Variants in COL5A3 observed in about 807,000 individuals in gnomAD.
COL5A3 encodes the protein collagen alpha-3(V) chain.
In COL5A3, 172 loss-of-function variants were observed where a neutral mutation model predicts 250.0. That is an observed-to-expected ratio of 0.69 (90% CI 0.61 to 0.78). The LOEUF (loss-of-function observed/expected upper bound fraction) is 0.78. Among genes scored for constraint, COL5A3 ranks in the 30% least tolerant of loss-of-function variants. The pLI, the probability that COL5A3 is intolerant of heterozygous loss-of-function variation, is 0.00. For synonymous variants in COL5A3, 937 were observed against 900.4 expected, an observed-to-expected ratio of 1.04 and a Z score of -0.73; for missense variants, 2,340 against 2,334.4, an observed-to-expected ratio of 1.00 and a Z score of -0.05.
Position 9,972,945 on chromosome 19 carries a change from CA to C in COL5A3, c.3747del (p.Gly1250GlufsTer18), listed in dbSNP as rs751132808. 1 of 1,611,144 alleles carries C rather than the reference CA, an allele frequency of 6.2e-7. No individual in the cohort carries two copies. Among genetic ancestry groups the C allele is most frequent in the South Asian group, 1.1e-5 (1 of 90,090 alleles). ...AAGPPGKKGPPGEDGAKGSVG... is the reference protein window; with the variant it reads ...AAGPPGKKGPXGEDGAKGSVG... ...ACGCTCCCTTTGGCTCCATCCTCTC[CA>C]GGGGGACCTTTCTTGCCTGGGGGTC... On this transcript the variant is annotated frameshift_variant, in exon 51 of 67. Transcript: ENST00000264828. LOFTEE classifies it high-confidence loss of function.
intron 65 of COL5A3, among the ~76,000 whole-genome samples, chr19:9,962,533 G>A (rs942360186): frequency 6.6e-6 from 1 of 152,108 alleles, no homozygotes; most frequent in African/African-American, 2.4e-5. Context: ...TTAGGCTTCA[G>A]ATGAGCTGTG....
chr19:9,968,864 C>T lies in COL5A3; in HGVS notation c.4153-136G>A. Reference sequence around the variant, plus strand: ...ACCAGGGATGAGGTCAAGGGATGGTCAGAGTAGGCCACCAAGGTGGGATGA... The same window carrying T: ...ACCAGGGATGAGGTCAAGGGATGGTTAGAGTAGGCCACCAAGGTGGGATGA... On this transcript the variant is annotated intron_variant, in intron 57 of 66. Transcript: ENST00000264828. The surrounding 1 kb of genome is among the most constrained non-coding windows in gnomAD (Gnocchi z 4.1). 1.3e-6 allele frequency: 1 copy of T among 764,986 alleles called. No homozygotes were observed. The highest frequency in any genetic ancestry group is 1.6e-5 in the South Asian group (1 of 62,760). The allele number at this position is 764,986 out of a possible 1,614,324, so 47.4% of individuals were successfully genotyped here.
At position 9,962,891 on chromosome 19, in the gene COL5A3, G is replaced by T. The variant is rs377581980; in HGVS notation, c.4783-4C>A. ...TGGACCAGGAGGCCAATTTCACCTG[G>T]AAGAGAAAAGGGAGGGTCACTGTAG... On this transcript the variant is annotated splice_polypyrimidine_tract_variant and splice_region_variant and intron_variant, in intron 64 of 66. Coordinates refer to ENST00000264828, the MANE Select transcript of COL5A3 (RefSeq NM_015719.4). 2 of 1,606,938 alleles carry T rather than the reference G, an allele frequency of 1.2e-6. No individual in the cohort carries two copies. Among genetic ancestry groups the T allele is most frequent in the East Asian group, 2.2e-5 (1 of 44,848 alleles).
At position 9,997,981 on chromosome 19, in the gene COL5A3, T is replaced by C; in HGVS notation, c.1200+3A>G. On this transcript the variant is annotated splice_donor_region_variant and intron_variant, in intron 10 of 66. Coordinates refer to ENST00000264828, the MANE Select transcript of COL5A3 (RefSeq NM_015719.4). Reference sequence around the variant, plus strand: ...GGAAGAAGGAAACACAGCCATGACTTACTTGGGGTCCTGGGGCTCCTGGAG... The same window carrying C: ...GGAAGAAGGAAACACAGCCATGACTCACTTGGGGTCCTGGGGCTCCTGGAG... The C allele has an allele frequency of 6.2e-7, 1 of 1,613,990 alleles. No individual in the cohort carries two copies. Among genetic ancestry groups the C allele is most frequent in the Non-Finnish European group, 8.5e-7 (1 of 1,179,974 alleles).
chr19:9,972,313 T>TCATC (rs1447236373), intron 51 of COL5A3, among the ~76,000 whole-genome samples: 2 of 42,420 alleles, frequency 4.7e-5, no homozygotes, highest in African/African-American at 4.7e-4. Context: ...ATTCACTCGT[T>TCATC]CATCCATTCA....
At chr19:9,967,765 A>C in intron 61 of COL5A3, 139 bp downstream of exon 61, 1 of 791,030 alleles carries the variant, frequency 1.3e-6, no homozygotes, top group Non-Finnish European at 2.0e-6. Context: ...ATACAACCGT[A>C]GGTGTTGAAT....
At chr19:9,969,464 C>T (rs2277966) in intron 56 of COL5A3, 62 bp from the exon 57 acceptor site, 37 of 1,590,042 alleles carry the variant, frequency 2.3e-5, no homozygotes, top group South Asian at 1.4e-4. Flanking sequence ...TGGACCCCCC[C>T]CCGACCATGC....
At chr19:9,974,016 TC>T in intron 47 of COL5A3, 44 bp from the exon 48 acceptor site, 2 of 1,523,616 alleles carry the variant, frequency 1.3e-6, no homozygotes, top group Non-Finnish European at 1.8e-6. Flanking sequence ...CAGGCCCCTC[TC>T]CCCAAAAGGC....
intron 38 of COL5A3, 32 bp downstream of exon 38, chr19:9,979,332 A>C: frequency 6.2e-7 from 1 of 1,613,734 alleles, no homozygotes; most frequent in Non-Finnish European, 8.5e-7. Flanking sequence ...AACTGGTACA[A>C]AACAAGGGAG....
chr19:9,976,531 A>T (rs774362138), intron 45 of COL5A3, 27 bp downstream of exon 45: 2 of 1,542,978 alleles, frequency 1.3e-6, no homozygotes, highest in South Asian at 2.5e-5. Context: ...GGACCCAGAG[A>T]AGGACTGAAA....
intron 35 of COL5A3, 125 bp downstream of exon 35, chr19:9,980,523 A>C: frequency 7.3e-7 from 1 of 1,369,604 alleles, no homozygotes; most frequent in South Asian, 1.4e-5. Context: ...CACCACACCC[A>C]ATTAAGCTGT....
In COL5A3 at chr19:9,991,854, T is replaced by A; in HGVS notation, c.1894-13A>T. The A allele has an allele frequency of 6.2e-7, 1 of 1,605,160 alleles. No individual in the cohort carries two copies. The highest frequency in any genetic ancestry group is 8.5e-7 in the Non-Finnish European group (1 of 1,176,132). On this transcript the variant is annotated splice_polypyrimidine_tract_variant and intron_variant, in intron 22 of 66. Coordinates refer to ENST00000264828, the MANE Select transcript of COL5A3 (RefSeq NM_015719.4). Reference sequence around the variant, plus strand: ...CTCCTGGAGGACCCTGGGGAGAAAGTGGGGTTTCAGTGAAGCTAAGAGGGG... The same window carrying A: ...CTCCTGGAGGACCCTGGGGAGAAAGAGGGGTTTCAGTGAAGCTAAGAGGGG...
rs771836964 is a variant in COL5A3 at position 9,969,615 on chromosome 19, C to A, written c.4058G>T (p.Arg1353Leu). Residue 1353 changes from arginine (R) to leucine (L), a missense_variant, in exon 56 of 67, where the codon CGT (arginine) becomes CTT (leucine). Physicochemically the swap from Arg to Leu is moderately radical, Grantham distance 102 (BLOSUM62 -2). Transcript: ENST00000264828. ...CCCTCGAAGACCCTCAGGCCCCACA[C>A]GTCCAGGGGGCCCTCTAGCCCCCAT... ...GPMGARGPPG[R>L]VGPEGLRGIP... 4.4e-6 allele frequency: 7 copies of A among 1,602,804 alleles called. 1 individual carries two copies. The Admixed American group carries it at 7.1e-5, about 16-fold the overall frequency.
intron 37 of COL5A3, 23 bp from the exon 38 acceptor site, chr19:9,979,440 G>C (rs1015964391): frequency 1.2e-6 from 2 of 1,613,680 alleles, no homozygotes; most frequent in African/African-American, 2.7e-5. Context: ...ATTAAATGTG[G>C]GGGCGGTGTT....
chr19:9,962,872 A>T lies in COL5A3; in HGVS notation c.4798T>A (p.Trp1600Arg). ...KKFEIVKLAS[W>R]SKEKPGGWYS... ...CAGCCTCCAGGCTTTTCCTTGGACC[A>T]GGAGGCCAATTTCACCTGGAAGAGA... The change falls in exon 65 of 67, where the codon TGG becomes AGG. Residue 1600 changes from tryptophan (W) to arginine (R), a missense_variant. Trp to Arg is a moderately radical substitution (Grantham distance 101, BLOSUM62 -3). Around this residue, in one of 3 missense-constraint regions of COL5A3, gnomAD observed 1,179 missense variants for 1,162.6 expected, o/e 1.01. Coordinates refer to ENST00000264828, the MANE Select transcript of COL5A3 (RefSeq NM_015719.4). The T allele has an allele frequency of 6.2e-7, 1 of 1,610,524 alleles. No homozygotes were observed. The highest frequency in any genetic ancestry group is 8.5e-7 in the Non-Finnish European group (1 of 1,178,268).
intron 16 of COL5A3, among the ~76,000 whole-genome samples, chr19:9,994,330 C>T (rs1012436755): frequency 6.6e-6 from 1 of 151,072 alleles, no homozygotes; most frequent in African/African-American, 2.4e-5. Context: ...AAGTGCACAC[C>T]ACCACACCTG....
At position 9,992,024 on chromosome 19, in the gene COL5A3, G is replaced by C; in HGVS notation, c.1873C>G (p.Pro625Ala). Reference protein sequence around the residue: ...RPGVTGIDGAPGAKGNVGPPG... With the variant: ...RPGVTGIDGAAGAKGNVGPPG... ...CATACCACATTGCCTTTGGCACCAG[G>C]AGCACCATCAATTCCAGTCACACCC... is the stretch of plus-strand genomic sequence containing the variant. Residue 625 changes from proline (P) to alanine (A), a missense_variant, in exon 22 of 67, where the codon CCT becomes GCT. By Grantham distance (27) the Pro-to-Ala change is conservative (BLOSUM62 -1). Transcript: ENST00000264828. The C allele has an allele frequency of 6.2e-7, 1 of 1,613,800 alleles. No individual in the cohort carries two copies. Among genetic ancestry groups the C allele is most frequent in the Non-Finnish European group, 8.5e-7 (1 of 1,179,858 alleles).
chr19:10,004,819 C>G (rs937207942), intron 4 of COL5A3, among the ~76,000 whole-genome samples: 4 of 152,196 alleles, frequency 2.6e-5, no homozygotes, highest in African/African-American at 9.7e-5. Flanking sequence ...CAGCTGCCTG[C>G]TGGCTCCCAA....
intron 11 of COL5A3, 44 bp downstream of exon 11, chr19:9,997,327 C>T (rs886769107): frequency 6.8e-7 from 1 of 1,475,188 alleles, no homozygotes. Flanking sequence ...CAGCCCCAAA[C>T]CTCACTCCTC....
Sources: allele counts gnomAD v4.1 joint callset (sites outside exome capture counted in the v4.1 genomes callset), GRCh38; gene constraint gnomAD v4.1.1; regional missense constraint gnomAD v4.1.1; non-coding constraint Gnocchi (gnomAD v3.1); transcripts MANE v1.5; gene names NCBI Gene and HGNC (gene_info 2026-07-23, HGNC 2026-07-21).